ITGB5: variants seen among roughly 807,000 people sequenced by gnomAD.
ITGB5 encodes the protein integrin subunit beta 5.
ITGB5 carries 38 observed loss-of-function variants against 84.8 expected under a neutral mutation model. The observed-to-expected ratio is 0.45, with a 90% confidence interval of 0.35 to 0.59. The LOEUF is 0.59. ITGB5 is among the 20% of genes least tolerant of loss of function. The probability of loss-of-function intolerance (pLI) is 0.01; values close to 1 mark genes in which losing one functional copy is unlikely to be tolerated. For missense variants in ITGB5, 905 were observed against 1,034.5 expected (o/e 0.87, Z 1.72); for synonymous variants, 393 against 414.4 (o/e 0.95, Z 0.63).
At chr3:124,855,625 A>G (rs2065212949) in intron 3 of ITGB5, among the ~76,000 whole-genome samples, 1 of 152,194 alleles carries the variant, frequency 6.6e-6, no homozygotes, top group African/African-American at 2.4e-5. Context: ...CCTAGTCTTC[A>G]TCTCTTCAGA....
At chr3:124,848,952 G>A (rs1397521400) in intron 3 of ITGB5, among the ~76,000 whole-genome samples, 1 of 151,908 alleles carries the variant, frequency 6.6e-6, no homozygotes, top group Non-Finnish European at 1.5e-5. Context: ...GCTAATTTTT[G>A]CATTTTTAGT....
chr3:124,835,604 C>T lies in ITGB5; in HGVS notation c.780+5779G>A, dbSNP rs553480596. ...AGCAGCTCACACATGCTGAGACAGACAACGCAGACAGCTGGGAAGCAGAAC... is the reference window on the plus strand; with the variant it reads ...AGCAGCTCACACATGCTGAGACAGATAACGCAGACAGCTGGGAAGCAGAAC... On this transcript the variant is annotated intron_variant, in intron 5 of 14. Coordinates refer to ENST00000296181, the MANE Select transcript of ITGB5 (RefSeq NM_002213.5). 3.9e-5 allele frequency among the ~76,000 whole-genome samples: 6 copies of T among 152,338 alleles called. 1 individual carries two copies. In the South Asian group the frequency reaches 1.2e-3, roughly 32 times the overall value.
chr3:124,821,429 T>C lies in ITGB5; in HGVS notation c.826A>G (p.Thr276Ala). 2 of 1,614,236 alleles carry C rather than the reference T, an allele frequency of 1.2e-6. No homozygotes were observed. Among genetic ancestry groups the C allele is most frequent in the South Asian group, 1.1e-5 (1 of 91,090 alleles). Residue 276 changes from threonine to alanine, a missense_variant, in exon 6 of 15, where the codon ACA (threonine) becomes GCA (alanine). By Grantham distance (58) the Thr-to-Ala change is moderately conservative (BLOSUM62 0). Coordinates refer to ENST00000296181, the MANE Select transcript of ITGB5 (RefSeq NM_002213.5). ...RKDALHLLVF[T>A]TDDVPHIALD... ...GCGATGTGGGGCACATCATCTGTTG[T>C]GAACACCAGCAAATGCAGTGCATCC...
intron 1 of ITGB5, chr3:124,894,721 T>C (rs1160620479): frequency 6.6e-6 from 1 of 152,232 alleles, no homozygotes; most frequent in Non-Finnish European, 1.5e-5. Context: ...ACACACACTA[T>C]ATTTTAAACC....
At chr3:124,809,349 T>C (rs1454119895) in intron 8 of ITGB5, 193 bp from the exon 9 acceptor site, 1 of 582,866 alleles carries the variant, frequency 1.7e-6, no homozygotes, top group East Asian at 2.8e-5. Flanking sequence ...AACATCTTGC[T>C]AGACCCAGCC....
chr3:124,787,233 G>A (rs1387612601), intron 10 of ITGB5, among the ~76,000 whole-genome samples: 2 of 152,204 alleles, frequency 1.3e-5, no homozygotes, highest in Middle Eastern at 3.4e-3. Flanking sequence ...GAGGCCCAAC[G>A]CTTAGATTTT....
chr3:124,821,354 G>A lies in ITGB5; in HGVS notation c.901C>T (p.His301Tyr). 1 of 1,614,186 alleles carries A rather than the reference G, an allele frequency of 6.2e-7. No homozygotes were observed. The highest frequency in any genetic ancestry group is 8.5e-7 in the Non-Finnish European group (1 of 1,180,016). ...GTGTACTCGTTGGCCTCGTTCAGGT[G>A]GCACTGGCCATCGTGTGGCTGCACC... is the stretch of plus-strand genomic sequence containing the variant. ...GLVQPHDGQC[H>Y]LNEANEYTAS... is the part of the protein sequence containing the mutation. The change falls in exon 6 of 15, where the codon CAC (histidine) becomes TAC (tyrosine). Residue 301 changes from histidine to tyrosine, a missense_variant. His to Tyr is a moderately conservative substitution (Grantham distance 83, BLOSUM62 2). This residue lies in a region of ITGB5 where 656 missense variants were observed against 734.7 expected (regional missense o/e 0.89). Transcript: ENST00000296181.
chr3:124,821,554 C>T, intron 5 of ITGB5, 80 bp from the exon 6 acceptor site: 1 of 1,485,186 alleles, frequency 6.7e-7, no homozygotes, highest in Non-Finnish European at 9.3e-7. Context: ...GGCCCCTCTC[C>T]AGGAGTCACG....
At chr3:124,876,439 C>T (rs1471342017) in intron 1 of ITGB5, among the ~76,000 whole-genome samples, 1 of 152,068 alleles carries the variant, frequency 6.6e-6, no homozygotes, top group Non-Finnish European at 1.5e-5. Context: ...TCCTTTGTCA[C>T]TAGCAGTAAA....
chr3:124,882,179 G>A (rs1202087721), intron 1 of ITGB5, among the ~76,000 whole-genome samples: 1 of 152,142 alleles, frequency 6.6e-6, no homozygotes, highest in Non-Finnish European at 1.5e-5. Context: ...GCTGTTGTAG[G>A]CATGGAGGAT....
intron 10 of ITGB5, 41 bp from the exon 11 acceptor site, chr3:124,773,953 T>C: frequency 6.4e-7 from 1 of 1,569,948 alleles, no homozygotes; most frequent in South Asian, 1.1e-5. Flanking sequence ...TGCTCACCTT[T>C]ACACATGAGC....
intron 12 of ITGB5, among the ~76,000 whole-genome samples, chr3:124,768,313 G>A (rs190459841): frequency 2.8e-4 from 43 of 152,234 alleles, no homozygotes; most frequent in Non-Finnish European, 5.1e-4. Context: ...ACAATCAGTC[G>A]TTTTACTCAA....
chr3:124,865,296 A>T (rs2065369681), intron 2 of ITGB5, among the ~76,000 whole-genome samples: 1 of 152,004 alleles, frequency 6.6e-6, no homozygotes, highest in Non-Finnish European at 1.5e-5. Flanking sequence ...AGCAAGAAGG[A>T]TGGGCTTCTA....
At chr3:124,765,576 T>C (rs2063754411) in intron 13 of ITGB5, among the ~76,000 whole-genome samples, 1 of 152,242 alleles carries the variant, frequency 6.6e-6, no homozygotes. Context: ...CTGTGGTTAC[T>C]TTCACGTCTG....
chr3:124,796,369 G>GC lies in ITGB5; in HGVS notation c.1693+18dup. On this transcript the variant is annotated intron_variant, in intron 10 of 14. Coordinates refer to ENST00000296181, the MANE Select transcript of ITGB5 (RefSeq NM_002213.5). ...TCTTGGCCTGGCTCAGAGCTAAAGT[G>GC]CTTGCTGGGGACACTTACCTGAGCA... The GC allele has an allele frequency of 6.3e-7, 1 of 1,585,240 alleles. No individual in the cohort carries two copies. The highest frequency in any genetic ancestry group is 8.6e-7 in the Non-Finnish European group (1 of 1,161,976).
chr3:124,898,203 T>C (rs930375604), intron 1 of ITGB5, among the ~76,000 whole-genome samples: 3 of 127,294 alleles, frequency 2.4e-5, no homozygotes, highest in Admixed American at 9.1e-5. Flanking sequence ...TCTATTTGTA[T>C]TGATGCTTTG....
At chr3:124,855,613 T>C (rs897851389) in intron 3 of ITGB5, among the ~76,000 whole-genome samples, 1 of 152,230 alleles carries the variant, frequency 6.6e-6, no homozygotes, top group Non-Finnish European at 1.5e-5. Context: ...ATCAGATCTC[T>C]TCCTAGTCTT....
intron 1 of ITGB5, among the ~76,000 whole-genome samples, chr3:124,883,805 C>A (rs953188287): frequency 4.6e-5 from 7 of 152,156 alleles, no homozygotes; most frequent in African/African-American, 1.7e-4. Flanking sequence ...CGTGGAAAAG[C>A]CTCACCTCAG....
chr3:124,875,177 G>T (rs1296942591), intron 1 of ITGB5, among the ~76,000 whole-genome samples: 1 of 152,076 alleles, frequency 6.6e-6, no homozygotes, highest in African/African-American at 2.4e-5. Context: ...AAATAACCCA[G>T]TTACAAAAAT....
Sources: allele counts gnomAD v4.1 joint callset (sites outside exome capture counted in the v4.1 genomes callset), GRCh38; gene constraint gnomAD v4.1.1; regional missense constraint gnomAD v4.1.1; transcripts MANE v1.5; gene names NCBI Gene and HGNC (gene_info 2026-07-23, HGNC 2026-07-21).